SH3D19: variants seen among roughly 807,000 people sequenced by gnomAD.
SH3D19 encodes SH3 domain-containing protein 19.
In SH3D19, 58 loss-of-function variants were observed where a neutral mutation model predicts 112.1. The observed-to-expected ratio is 0.52, with a 90% CI of 0.42 to 0.64. The LOEUF is 0.64. Among genes scored for constraint, SH3D19 ranks in the 30% least tolerant of loss-of-function variants. The pLI, the probability that SH3D19 is intolerant of heterozygous loss-of-function variation, is 0.00. For synonymous variants in SH3D19, 391 were observed against 448.5 expected, an observed-to-expected ratio of 0.87 and a Z score of 1.62; for missense variants, 1,090 against 1,263.4, an observed-to-expected ratio of 0.86 and a Z score of 2.08.
intron 7 of SH3D19, among the ~76,000 whole-genome samples, chr4:151,173,875 A>C (rs1262070011): frequency 1.3e-5 from 2 of 152,258 alleles, no homozygotes; most frequent in Admixed American, 1.3e-4. Flanking sequence ...AGTCAACAGC[A>C]GTAAAAGAAA....
chr4:151,125,562 AAG>A (rs750546136), intron 19 of SH3D19, among the ~76,000 whole-genome samples: 1 of 151,384 alleles, frequency 6.6e-6, no homozygotes, highest in Non-Finnish European at 1.5e-5. Context: ...GAAAGAAAGA[AAG>A]AGAGAGAGGC....
At chr4:151,229,098 C>T (rs1229641599) in intron 1 of SH3D19, among the ~76,000 whole-genome samples, 3 of 144,726 alleles carry the variant, frequency 2.1e-5, no homozygotes, top group Non-Finnish European at 3.0e-5. Context: ...TCTCAAACTT[C>T]GGGACTCAAG....
At chr4:151,285,633 T>C (rs556247660) in intron 1 of SH3D19, among the ~76,000 whole-genome samples, 1 of 152,264 alleles carries the variant, frequency 6.6e-6, no homozygotes, top group South Asian at 2.1e-4. Context: ...AGTAACCTAA[T>C]CTTCCATACA....
intron 1 of SH3D19, among the ~76,000 whole-genome samples, chr4:151,239,614 A>C (rs545048541): frequency 2.6e-5 from 4 of 152,368 alleles, no homozygotes; most frequent in South Asian, 2.1e-4. Flanking sequence ...ACGACGACGA[A>C]GCATAGGAAG....
chr4:151,300,659 G>C (rs148852874), intron 1 of SH3D19: 1 of 151,666 alleles, frequency 6.6e-6, no homozygotes, highest in Admixed American at 6.6e-5. Flanking sequence ...GCTTTTAGGC[G>C]GAGGTATAAT....
At position 151,122,017 on chromosome 4, in the gene SH3D19, C is replaced by A; in HGVS notation, c.*74G>T. The A allele has an allele frequency of 1.3e-6, 1 of 760,006 alleles. No individual in the cohort carries two copies. The highest frequency in any genetic ancestry group is 2.3e-6 in the Non-Finnish European group (1 of 443,628). 47.1% of individuals were successfully genotyped at this position (760,006 alleles called of 1,614,324 possible). ...TCTTTTTCAGTTAAAAAAAATAGTG[C>A]AAAAACATATCTGATAGTCAAGGTG... is the stretch of plus-strand genomic sequence containing the variant. On this transcript the variant is annotated 3_prime_UTR_variant, in exon 20 of 20. Transcript: ENST00000604030.
chr4:151,210,909 G>T (rs1485518899), intron 2 of SH3D19, among the ~76,000 whole-genome samples: 3 of 151,440 alleles, frequency 2.0e-5, no homozygotes, highest in African/African-American at 2.4e-5. Context: ...ATTGGGTCTT[G>T]CTCTGTCACC....
chr4:151,180,081 G>T (rs1760606927), intron 3 of SH3D19, among the ~76,000 whole-genome samples: 1 of 152,152 alleles, frequency 6.6e-6, no homozygotes, highest in South Asian at 2.1e-4. Flanking sequence ...ATGAGGTTTC[G>T]CCATGTTGCT....
chr4:151,190,589 G>C (rs552288862), intron 2 of SH3D19, among the ~76,000 whole-genome samples: 1 of 152,200 alleles, frequency 6.6e-6, no homozygotes. Flanking sequence ...GCTTCAGAGG[G>C]TGCAAGCCCC....
chr4:151,251,204 T>TC (rs1315978583), intron 1 of SH3D19, among the ~76,000 whole-genome samples: 1 of 150,692 alleles, frequency 6.6e-6, no homozygotes, highest in Non-Finnish European at 1.5e-5. Flanking sequence ...TTTCCTTTTT[T>TC]TTTTTTTTTC....
chr4:151,227,644 T>C, intron 1 of SH3D19: 1 of 529,962 alleles, frequency 1.9e-6, no homozygotes. Flanking sequence ...CTCTCAATCA[T>C]TCTCCAGTTT....
At chr4:151,135,700 AT>A (rs1178041530) in intron 14 of SH3D19, among the ~76,000 whole-genome samples, 1 of 152,108 alleles carries the variant, frequency 6.6e-6, no homozygotes, top group East Asian at 1.9e-4. Context: ...AAGTGCTGGT[AT>A]TATAGGTGTG....
At chr4:151,225,387 T>C (rs990752326) in intron 2 of SH3D19, among the ~76,000 whole-genome samples, 4 of 152,210 alleles carry the variant, frequency 2.6e-5, no homozygotes, top group Non-Finnish European at 5.9e-5. Context: ...TTTTCACCTA[T>C]AAGTTTGACA....
At chr4:151,314,779 A>C (rs1472022671) in intron 1 of SH3D19, among the ~76,000 whole-genome samples, 1 of 152,210 alleles carries the variant, frequency 6.6e-6, no homozygotes, top group Non-Finnish European at 1.5e-5. Flanking sequence ...CAGGGACTGC[A>C]GGGCCATCTA....
At chr4:151,177,133 C>G (rs1466002582) in intron 4 of SH3D19, among the ~76,000 whole-genome samples, 178 bp from the exon 5 acceptor site, 2 of 152,234 alleles carry the variant, frequency 1.3e-5, no homozygotes, top group African/African-American at 4.8e-5. Context: ...AGACAGGCTT[C>G]AAGAGAGCAA....
chr4:151,164,470 T>C (rs182626858), intron 8 of SH3D19, among the ~76,000 whole-genome samples: 151 of 152,322 alleles, frequency 9.9e-4, no homozygotes, highest in Non-Finnish European at 1.8e-3. Flanking sequence ...ATCAGATTTC[T>C]TTTTGAAGTA....
intron 7 of SH3D19, among the ~76,000 whole-genome samples, chr4:151,167,527 A>G (rs1428370675): frequency 6.6e-6 from 1 of 152,126 alleles, no homozygotes; most frequent in East Asian, 1.9e-4. Context: ...ATCATTTTAT[A>G]TCAATTTCTT....
chr4:151,167,929 A>G (rs1758384654), intron 7 of SH3D19, among the ~76,000 whole-genome samples: 1 of 152,252 alleles, frequency 6.6e-6, no homozygotes, highest in South Asian at 2.1e-4. Context: ...GCCGCTGTGC[A>G]ACCTTCCAAG....
chr4:151,192,233 G>A (rs372676741), intron 2 of SH3D19, among the ~76,000 whole-genome samples: 11 of 152,236 alleles, frequency 7.2e-5, no homozygotes, highest in East Asian at 1.9e-4. Context: ...CACCGCGCCC[G>A]GCAAGAGTAC....
Sources: allele counts gnomAD v4.1 joint callset (sites outside exome capture counted in the v4.1 genomes callset), GRCh38; gene constraint gnomAD v4.1.1; transcripts MANE v1.5; gene names NCBI Gene and HGNC (gene_info 2026-07-23, HGNC 2026-07-21).